The following MACROD2 variants were observed in gnomAD, a reference collection of about 807,000 sequenced individuals.
MACROD2 encodes the protein ADP-ribose glycohydrolase MACROD2.
MACROD2 carries 36 observed loss-of-function variants against 70.4 expected under a neutral mutation model. The ratio of observed to expected loss-of-function variants is 0.51; its 90% CI spans 0.39 to 0.68. The LOEUF (loss-of-function observed/expected upper bound fraction) is 0.68. Among genes scored for constraint, MACROD2 ranks in the 30% least tolerant of loss-of-function variants. MACROD2 has a pLI of 0.00. For synonymous variants in MACROD2, 172 were observed against 178.8 expected (o/e 0.96, Z 0.30); for missense variants, 496 against 538.4 (o/e 0.92, Z 0.78).
intron 5 of MACROD2, among the ~76,000 whole-genome samples, chr20:15,093,519 C>T (rs1211640751): frequency 6.6e-6 from 1 of 151,866 alleles, no homozygotes; most frequent in Non-Finnish European, 1.5e-5. Flanking sequence ...AAGCTTGGTC[C>T]GTTGTGAAAA....
intron 4 of MACROD2, among the ~76,000 whole-genome samples, chr20:14,642,071 T>C (rs1200513726): frequency 6.6e-6 from 1 of 152,260 alleles, no homozygotes; most frequent in African/African-American, 2.4e-5. Flanking sequence ...CTTTTATTAA[T>C]TGTTTTAGCT....
At chr20:14,798,406 G>GCTTTGCTTTTCTATTT (rs2072536072) in intron 5 of MACROD2, among the ~76,000 whole-genome samples, 1 of 151,970 alleles carries the variant, frequency 6.6e-6, no homozygotes, top group Non-Finnish European at 1.5e-5. Context: ...GTCTGGTTTG[G>GCTTTGCTTTTCTATTT]GAAGATCATT....
chr20:15,869,238 T>TATATAGAGAGAGAGAGAGAGAGAGAG, intron 9 of MACROD2, among the ~76,000 whole-genome samples: 9 of 28,290 alleles, frequency 3.2e-4, no homozygotes, highest in African/African-American at 6.9e-4. Flanking sequence ...TATATATATA[T>TATATAGAGAGAGAGAGAGAGAGAGAG]AGAGAGAGAG....
chr20:15,660,989 A>G (rs760744381), intron 8 of MACROD2, among the ~76,000 whole-genome samples: 8 of 152,156 alleles, frequency 5.3e-5, no homozygotes, highest in Non-Finnish European at 8.8e-5. Context: ...TTTTCTTTGC[A>G]GATGTTTCGG....
At chr20:15,683,605 G>A (rs2050189653) in intron 8 of MACROD2, among the ~76,000 whole-genome samples, 1 of 152,084 alleles carries the variant, frequency 6.6e-6, no homozygotes, top group Non-Finnish European at 1.5e-5. Context: ...TTGAGACAAA[G>A]TCTCACTCTG....
At chr20:14,796,184 G>T (rs1341884068) in intron 5 of MACROD2, among the ~76,000 whole-genome samples, 1 of 152,100 alleles carries the variant, frequency 6.6e-6, no homozygotes, top group African/African-American at 2.4e-5. Context: ...TTTGATGTAA[G>T]TGGCTCTGAA....
intron 5 of MACROD2, among the ~76,000 whole-genome samples, chr20:14,775,734 G>A (rs941761249): frequency 3.9e-5 from 6 of 151,960 alleles, no homozygotes; most frequent in Non-Finnish European, 5.9e-5. Context: ...GACCATTCAT[G>A]TAAGTACATA....
intron 3 of MACROD2, among the ~76,000 whole-genome samples, chr20:14,486,172 T>C (rs2084727819): frequency 6.6e-6 from 1 of 152,092 alleles, no homozygotes; most frequent in Non-Finnish European, 1.5e-5. Context: ...CTGTTGCCAC[T>C]TGAGGCACAA....
In MACROD2 at chr20:15,676,241, C is replaced by T. The variant is rs1392191153; in HGVS notation, c.645+176394C>T. Among the ~76,000 whole-genome samples the T allele has an allele frequency of 2.6e-5, 4 of 152,302 alleles. No individual in the cohort carries two copies. The South Asian group carries it at 6.2e-4, about 24-fold the overall frequency. On this transcript the variant is annotated intron_variant, in intron 8 of 17. Transcript: ENST00000684519. The stretch of plus-strand genomic sequence containing the variant: ...TAAAAGCTGTAAAAATATGACACCA[C>T]GACCTTCTAACTAAAGTACCTGGCT...
intron 4 of MACROD2, among the ~76,000 whole-genome samples, chr20:14,597,631 A>G (rs1232577112): frequency 2.0e-5 from 3 of 152,164 alleles, no homozygotes. Flanking sequence ...CTGGTTCATT[A>G]TTCACTAGCC....
intron 2 of MACROD2, among the ~76,000 whole-genome samples, chr20:14,025,876 T>C (rs1359037908): frequency 2.6e-5 from 4 of 152,184 alleles, no homozygotes; most frequent in Admixed American, 2.6e-4. Flanking sequence ...GGTCCAGAGC[T>C]GAGTTCAAGC....
intron 3 of MACROD2, among the ~76,000 whole-genome samples, chr20:14,337,900 A>C (rs1271754674): frequency 6.6e-6 from 1 of 152,212 alleles, no homozygotes; most frequent in Non-Finnish European, 1.5e-5. Flanking sequence ...TTTTTTAAAA[A>C]GCATGTTAGA....
At chr20:15,568,305 C>T (rs2048334768) in intron 8 of MACROD2, among the ~76,000 whole-genome samples, 1 of 152,196 alleles carries the variant, frequency 6.6e-6, no homozygotes, top group African/African-American at 2.4e-5. Flanking sequence ...GAGGACACAT[C>T]TGTATACAAC....
At position 15,933,305 on chromosome 20, in the gene MACROD2, G is replaced by T. The variant is rs776889043; in HGVS notation, c.805G>T (p.Val269Leu). The T allele has an allele frequency of 1.6e-5, 26 of 1,613,302 alleles. No individual in the cohort carries two copies. The Middle Eastern group carries it at 4.9e-4, about 31-fold the overall frequency. ...GAACGGTCCAGAGGAGAAGCAAAGT[G>T]TGGAAGAAATGGAAGAGCAGAGCCA... Reference protein sequence around the residue: ...DENGPEEKQSVEEMEEQSQDA... With the variant: ...DENGPEEKQSLEEMEEQSQDA... The change falls in exon 11 of 18, where the codon GTG (valine) becomes TTG (leucine). Residue 269 changes from valine (V) to leucine (L), a missense_variant. Coordinates refer to ENST00000684519, the MANE Select transcript of MACROD2 (RefSeq NM_001351661.2).
intron 14 of MACROD2, 81 bp downstream of exon 14, chr20:15,986,882 C>T (rs566185579): frequency 2.0e-5 from 22 of 1,127,728 alleles, no homozygotes; most frequent in East Asian, 1.7e-4. Flanking sequence ...TGTGTGTGTG[C>T]GTGGTGTGTG....
At chr20:14,061,595 A>G (rs2053691625) in intron 2 of MACROD2, among the ~76,000 whole-genome samples, 1 of 152,106 alleles carries the variant, frequency 6.6e-6, no homozygotes, top group Non-Finnish European at 1.5e-5. Context: ...ACAGATGTGT[A>G]TTTCCACTAA....
intron 8 of MACROD2, among the ~76,000 whole-genome samples, chr20:15,572,557 C>T (rs2048389882): frequency 6.6e-6 from 1 of 152,070 alleles, no homozygotes; most frequent in Non-Finnish European, 1.5e-5. Context: ...AGAGCTGAGT[C>T]TGAAAATATT....
chr20:14,815,903 GTT>G (rs1187142759), intron 5 of MACROD2, among the ~76,000 whole-genome samples: 9 of 151,932 alleles, frequency 5.9e-5, no homozygotes, highest in Non-Finnish European at 1.3e-4. Flanking sequence ...GTTGGTCATT[GTT>G]TCTAAAAAGT....
chr20:14,130,357 G>A (rs545179401), intron 3 of MACROD2, among the ~76,000 whole-genome samples: 1 of 152,092 alleles, frequency 6.6e-6, no homozygotes, highest in Non-Finnish European at 1.5e-5. Context: ...AGACAAGCCT[G>A]GCCAAGATGG....
Sources: allele counts gnomAD v4.1 joint callset (sites outside exome capture counted in the v4.1 genomes callset), GRCh38; gene constraint gnomAD v4.1.1; transcripts MANE v1.5; gene names NCBI Gene and HGNC (gene_info 2026-07-23, HGNC 2026-07-21).